Variants in DIAPH2 observed in about 807,000 individuals in gnomAD.
DIAPH2 encodes diaphanous related formin 2, also known as protein diaphanous homolog 2.
Under a neutral mutation model 92.7 loss-of-function variants are expected in DIAPH2, and 35 were observed. That is an observed-to-expected ratio of 0.38 (90% CI 0.29 to 0.50). The LOEUF (loss-of-function observed/expected upper bound fraction) is 0.50. Ranked by LOEUF, DIAPH2 falls within the 20% of genes least tolerant of loss-of-function variation. DIAPH2 has a pLI of 0.94. For missense variants in DIAPH2, 701 were observed against 819.5 expected, an observed-to-expected ratio of 0.86 and a Z score of 1.77; for synonymous variants, 301 against 280.4, an observed-to-expected ratio of 1.07 and a Z score of -0.73.
chrX:97,167,811 A>G (rs2067422799), intron 22 of DIAPH2, among the ~76,000 whole-genome samples: 2 of 111,409 alleles, frequency 1.8e-5, no homozygotes, highest in African/African-American at 6.5e-5. Context: ...ATGGTGTCTC[A>G]CTGTGGTTTC....
At chrX:97,542,045 A>G (rs1473154774) in intron 26 of DIAPH2, among the ~76,000 whole-genome samples, 2 of 112,520 alleles carry the variant, frequency 1.8e-5, no homozygotes, top group African/African-American at 6.5e-5. Flanking sequence ...AAGAAAGTTA[A>G]TGATCAGTTT....
intron 9 of DIAPH2, among the ~76,000 whole-genome samples, chrX:96,927,738 G>T (rs893203855): frequency 1.8e-5 from 2 of 111,191 alleles, no homozygotes; most frequent in African/African-American, 6.5e-5. Context: ...TGCTGAGTGT[G>T]GAGTGGGGTG....
At chrX:97,312,807 AC>A (rs1277728717) in intron 23 of DIAPH2, among the ~76,000 whole-genome samples, 1 of 111,374 alleles carries the variant, frequency 9.0e-6, no homozygotes, top group Non-Finnish European at 1.9e-5. Context: ...GTTGTCATTA[AC>A]TGAGACAATG....
At chrX:96,987,035 A>G (rs1243014549) in intron 17 of DIAPH2, among the ~76,000 whole-genome samples, 1 of 111,596 alleles carries the variant, frequency 9.0e-6, no homozygotes, top group Non-Finnish European at 1.9e-5. Context: ...AGGTAATATC[A>G]TAAGCCTAAA....
intron 26 of DIAPH2, among the ~76,000 whole-genome samples, chrX:97,554,761 A>G (rs1263754909): frequency 8.9e-6 from 1 of 112,197 alleles, no homozygotes; most frequent in Non-Finnish European, 1.9e-5. Flanking sequence ...ATCAGATTAT[A>G]TGTTTCCCAA....
chrX:97,007,608 T>G (rs1030609323), intron 17 of DIAPH2, among the ~76,000 whole-genome samples: 1 of 110,360 alleles, frequency 9.1e-6, no homozygotes, highest in African/African-American at 3.3e-5. Flanking sequence ...TCTGTTACTT[T>G]TGGGAATTTG....
intron 4 of DIAPH2, among the ~76,000 whole-genome samples, chrX:96,773,735 A>C (rs1027559927): frequency 4.5e-5 from 5 of 111,176 alleles, no homozygotes; most frequent in Non-Finnish European, 9.4e-5. Context: ...CTATAGTTCC[A>C]GCTACTCAGC....
chrX:96,836,706 TATATATA>T (rs2064891226), intron 4 of DIAPH2, among the ~76,000 whole-genome samples: 4 of 24,203 alleles, frequency 1.7e-4, no homozygotes, highest in Non-Finnish European at 2.9e-4. Flanking sequence ...TATATATATA[TATATATA>T]TATATTTTTT....
At chrX:96,873,647 TACACACACACACAC>T (rs3082738) in intron 4 of DIAPH2, among the ~76,000 whole-genome samples, 1 of 95,889 alleles carries the variant, frequency 1.0e-5, no homozygotes, top group East Asian at 3.3e-4. Context: ...CGTATATATA[TACACACACACACAC>T]ACACACACAC....
At chrX:96,726,927 T>C (rs1188682921) in intron 1 of DIAPH2, among the ~76,000 whole-genome samples, 1 of 111,990 alleles carries the variant, frequency 8.9e-6, no homozygotes, top group African/African-American at 3.2e-5. Context: ...CTTGCTGATC[T>C]CTGCAAGCCG....
chrX:97,231,819 C>T (rs1054484076), intron 22 of DIAPH2, among the ~76,000 whole-genome samples: 5 of 110,858 alleles, frequency 4.5e-5, no homozygotes, highest in African/African-American at 1.6e-4. Flanking sequence ...TCTCTTACTT[C>T]CTCCTGAACA....
At chrX:97,234,502 C>T (rs1451620668) in intron 22 of DIAPH2, among the ~76,000 whole-genome samples, 1 of 111,198 alleles carries the variant, frequency 9.0e-6, no homozygotes, top group Non-Finnish European at 1.9e-5. Context: ...CATGGATCAA[C>T]AAACTTTTTC....
intron 1 of DIAPH2, among the ~76,000 whole-genome samples, chrX:96,713,336 G>A (rs1269649726): frequency 9.1e-6 from 1 of 110,481 alleles, no homozygotes; most frequent in African/African-American, 3.3e-5. Flanking sequence ...TTTTTAAGAT[G>A]AACTCTATTT....
chrX:96,885,099 C>A, intron 5 of DIAPH2: 1 of 1,195,371 alleles, frequency 8.4e-7, no homozygotes, highest in Non-Finnish European at 1.1e-6. Flanking sequence ...CTGATTGAGG[C>A]AGGGAAAACA....
chrX:97,541,503 T>C (rs1763903151), intron 26 of DIAPH2, among the ~76,000 whole-genome samples: 1 of 112,083 alleles, frequency 8.9e-6, no homozygotes, highest in Admixed American at 9.5e-5. Flanking sequence ...TCACATATGG[T>C]GTGCAAAAGG....
At chrX:96,842,690 C>G (rs182064215) in intron 4 of DIAPH2, among the ~76,000 whole-genome samples, 1 of 111,651 alleles carries the variant, frequency 9.0e-6, no homozygotes, top group Admixed American at 9.5e-5. Flanking sequence ...GTCTAATTAC[C>G]CAACTCTTTC....
chrX:96,748,810 G>A (rs1353718839), intron 3 of DIAPH2, among the ~76,000 whole-genome samples: 2 of 111,143 alleles, frequency 1.8e-5, no homozygotes, highest in Non-Finnish European at 3.8e-5. Context: ...CTGCCACAAG[G>A]TTTTTATTTT....
intron 22 of DIAPH2, among the ~76,000 whole-genome samples, chrX:97,234,335 AAAAAAAAAAAAAAG>A (rs2068031092): frequency 9.5e-6 from 1 of 105,566 alleles, no homozygotes. Context: ...CCATCTCAAA[AAAAAAAAAAAAAAG>A]AAAAAAAGAA....
At chrX:97,426,757 T>C (rs1344024083) in intron 25 of DIAPH2, among the ~76,000 whole-genome samples, 1 of 112,451 alleles carries the variant, frequency 8.9e-6, no homozygotes, top group Non-Finnish European at 1.9e-5. Context: ...GCCTGAAATG[T>C]GGCTAATCTG....
Sources: allele counts gnomAD v4.1 joint callset (sites outside exome capture counted in the v4.1 genomes callset), GRCh38; gene constraint gnomAD v4.1.1; transcripts MANE v1.5; gene names NCBI Gene and HGNC (gene_info 2026-07-23, HGNC 2026-07-21).